The following CDKL5 variants were observed in gnomAD, a reference collection of about 807,000 sequenced individuals.
CDKL5 encodes cyclin dependent kinase like 5, also known as cyclin-dependent kinase-like 5.
Under a neutral mutation model 61.7 loss-of-function variants are expected in CDKL5, and 8 were observed. The observed-to-expected ratio is 0.13, with a 90% CI of 0.08 to 0.23. The LOEUF (loss-of-function observed/expected upper bound fraction) is 0.23. CDKL5 is among the 10% of genes least tolerant of loss of function. The pLI is 1.00. For missense variants in CDKL5, 440 were observed against 734.5 expected (o/e 0.60, Z 4.63); for synonymous variants, 275 against 272.3 (o/e 1.01, Z -0.10).
chrX:18,504,686 C>CT (rs1360349068), intron 1 of CDKL5, among the ~76,000 whole-genome samples: 1 of 111,185 alleles, frequency 9.0e-6, no homozygotes, highest in African/African-American at 3.3e-5. Flanking sequence ...AATCCCAGCA[C>CT]TTTGGGAGGC....
rs746402817 is a variant in CDKL5, at chrX:18,519,285, A to G, written c.99+8431A>G. ...ATACAATGACGGTTGAGTAGTTGTG[A>G]TAGAGACTGACCCACAAAGCCTGAA... is the stretch of plus-strand genomic sequence containing the variant. On this transcript the variant is annotated intron_variant, in intron 3 of 17. Transcript: ENST00000623535. 3.6e-5 allele frequency among the ~76,000 whole-genome samples: 4 copies of G among 112,229 alleles called. No individual in the cohort carries two copies. The South Asian group carries it at 1.5e-3, about 42-fold the overall frequency.
In CDKL5 at chrX:18,548,763, G is replaced by A. The variant is rs186336236; in HGVS notation, c.100-15714G>A. ...AGTGTTGTAGCCATTGCGCACCTGA[G>A]CACCTTGTGCCTAGGTAGCCCGAAG... is the stretch of plus-strand genomic sequence containing the variant. On this transcript the variant is annotated intron_variant, in intron 3 of 17. Transcript: ENST00000623535. Among the ~76,000 whole-genome samples, 483 of 111,806 alleles carry A rather than the reference G, an allele frequency of 4.3e-3. 2 individuals carry two copies. In the Middle Eastern group the frequency reaches 0.046, roughly 11 times the overall value.
At chrX:18,599,874 G>C (rs190520022) in intron 11 of CDKL5, among the ~76,000 whole-genome samples, 481 of 111,839 alleles carry the variant, frequency 4.3e-3, no homozygotes, top group Non-Finnish European at 7.3e-3. Context: ...TTGCTCGATT[G>C]CTCAGGCTGG....
rs1032597157 is a variant in CDKL5, at chrX:18,638,235, T to C, written c.*9478T>C. On this transcript the variant is annotated 3_prime_UTR_variant, in exon 18 of 18. Coordinates refer to ENST00000623535, the MANE Select transcript of CDKL5 (RefSeq NM_001323289.2). ...CACAGAGTACCCGAATCAGCTCAGA[T>C]TTTTTTTCCTTAATATTGGCAACAC... The C allele has an allele frequency of 2.7e-5, 3 of 111,967 alleles. No individual in the cohort carries two copies. The highest frequency in any genetic ancestry group is 1.9e-4 in the Admixed American group (2 of 10,550). The allele number at this position is 111,967 out of a possible 1,213,427, so 9.2% of individuals were successfully genotyped here. A position where few individuals can be genotyped will look rare whatever the true frequency, so the allele number is the denominator to read the frequency against.
chrX:18,459,689 G>A (rs1932230000), intron 1 of CDKL5, among the ~76,000 whole-genome samples: 2 of 103,461 alleles, frequency 1.9e-5, no homozygotes, highest in Non-Finnish European at 3.9e-5. Context: ...GCCTCAGGAA[G>A]CTTTCTTTCT....
At chrX:18,549,421 G>A (rs961423250) in intron 3 of CDKL5, among the ~76,000 whole-genome samples, 2 of 112,224 alleles carry the variant, frequency 1.8e-5, no homozygotes, top group Non-Finnish European at 3.8e-5. Flanking sequence ...GCATTTTTAT[G>A]CTGATCATCA....
At chrX:18,495,771 C>G (rs1403826605) in intron 1 of CDKL5, among the ~76,000 whole-genome samples, 1 of 111,945 alleles carries the variant, frequency 8.9e-6, no homozygotes, top group Admixed American at 9.5e-5. Flanking sequence ...TTACATGGGA[C>G]AGATTTCTCT....
chrX:18,493,350 C>T (rs183008442), intron 1 of CDKL5, among the ~76,000 whole-genome samples: 2 of 112,029 alleles, frequency 1.8e-5, no homozygotes, highest in Non-Finnish European at 3.8e-5. Context: ...TATCATAGTA[C>T]CCGGTACATG....
chrX:18,564,262 C>T (rs969841099), intron 3 of CDKL5, among the ~76,000 whole-genome samples: 9 of 110,947 alleles, frequency 8.1e-5, no homozygotes, highest in Admixed American at 5.8e-4. Flanking sequence ...ACACCCTCTC[C>T]CTTTCTCCTT....
chrX:18,601,425 T>C (rs1469680159), intron 11 of CDKL5, among the ~76,000 whole-genome samples: 1 of 112,617 alleles, frequency 8.9e-6, no homozygotes, highest in East Asian at 2.8e-4. Context: ...TTAAGAAGAG[T>C]TTGTATGTAA....
chrX:18,487,416 A>G (rs765137098), intron 1 of CDKL5, among the ~76,000 whole-genome samples: 32 of 112,172 alleles, frequency 2.9e-4, no homozygotes, highest in African/African-American at 8.7e-4. Context: ...TTCTGTGTCA[A>G]CCTCCCAAGT....
rs758088531 is a variant in CDKL5 at position 18,580,026 on chromosome X, T to C, written c.403+58T>C. On this transcript the variant is annotated intron_variant, in intron 6 of 17. Coordinates refer to ENST00000623535, the MANE Select transcript of CDKL5 (RefSeq NM_001323289.2). ...AAAACATCAAATAAAGTTAAGAGTA[T>C]TTCACATGTTACTGTCTTTAAGAAT... 181 of 958,609 alleles carry C rather than the reference T, an allele frequency of 1.9e-4. No homozygotes were observed. The South Asian group carries it at 2.2e-3, about 12-fold the overall frequency. The allele number at this position is 958,609 out of a possible 1,213,427, so 79.0% of individuals were successfully genotyped here.
chrX:18,574,771 T>C (rs1304177430), intron 4 of CDKL5, among the ~76,000 whole-genome samples: 1 of 111,873 alleles, frequency 8.9e-6, no homozygotes, highest in Non-Finnish European at 1.9e-5. Context: ...CTCTCAGAAT[T>C]CCCTGCAACT....
intron 12 of CDKL5, among the ~76,000 whole-genome samples, chrX:18,605,155 C>G (rs746472067): frequency 1.8e-5 from 2 of 108,764 alleles, no homozygotes; most frequent in Non-Finnish European, 3.8e-5. Context: ...TGAGAGAATC[C>G]TATTTTGATT....
At chrX:18,426,024 C>T (rs1490880008) in intron 1 of CDKL5, among the ~76,000 whole-genome samples, 1 of 110,223 alleles carries the variant, frequency 9.1e-6, no homozygotes, top group African/African-American at 3.3e-5. Flanking sequence ...GGCGGGTCTG[C>T]GGCGTCCCCG....
At chrX:18,546,242 A>G (rs186126041) in intron 3 of CDKL5, among the ~76,000 whole-genome samples, 104 of 107,321 alleles carry the variant, frequency 9.7e-4, no homozygotes, top group African/African-American at 3.2e-3. Flanking sequence ...TTTAAGTTAC[A>G]TATCTTCTAC....
intron 21 of CDKL5, among the ~76,000 whole-genome samples, chrX:18,651,135 A>AC (rs1478791858): frequency 5.3e-5 from 1 of 19,013 alleles, no homozygotes; most frequent in Non-Finnish European, 1.1e-4. Context: ...CCACCACCGC[A>AC]CCCCCCGCCA....
chrX:18,519,873 T>G (rs1191411774), intron 3 of CDKL5, among the ~76,000 whole-genome samples: 2 of 112,134 alleles, frequency 1.8e-5, no homozygotes, highest in Non-Finnish European at 3.8e-5. Context: ...CAGTTAACTT[T>G]TGTTTCAAGT....
chrX:18,584,830 G>A (rs1198567920), intron 8 of CDKL5, among the ~76,000 whole-genome samples: 1 of 112,084 alleles, frequency 8.9e-6, no homozygotes, highest in Admixed American at 9.4e-5. Flanking sequence ...GTTGGCCAAA[G>A]CATGTTACAT....
Sources: gnomAD v4.1 joint callset for allele counts (sites outside exome capture counted in the v4.1 genomes callset) on GRCh38, gnomAD v4.1.1 for gene constraint, MANE v1.5 for transcripts, NCBI Gene and HGNC (gene_info 2026-07-23, HGNC 2026-07-21) for gene names.